Variants in ANKHD1 observed in about 807,000 individuals in gnomAD.
The protein encoded by ANKHD1 is ankyrin repeat and KH domain-containing protein 1.
A neutral mutation model predicts 230.5 loss-of-function variants in ANKHD1; 31 were observed. That is an observed-to-expected ratio of 0.13 (90% confidence interval 0.10 to 0.18). The LOEUF is 0.18. Among genes scored for constraint, ANKHD1 ranks in the 10% least tolerant of loss-of-function variants. The probability of loss-of-function intolerance (pLI) is 1.00; values close to 1 mark genes in which losing one functional copy is unlikely to be tolerated. For synonymous variants in ANKHD1, 1,074 were observed against 1,117.6 expected (o/e 0.96, Z 0.78); for missense variants, 2,256 against 3,071.3 (o/e 0.73, Z 6.27).
intron 1 of ANKHD1, among the ~76,000 whole-genome samples, chr5:140,425,426 A>G (rs1772327333): frequency 6.6e-6 from 1 of 151,802 alleles, no homozygotes; most frequent in Middle Eastern, 3.2e-3. Context: ...ATGCCCAGCT[A>G]ATTTTTGTTT....
In ANKHD1 at chr5:140,485,463, A is replaced by G; in HGVS notation, c.1999-126A>G. 7.7e-7 allele frequency: 1 copy of G among 1,304,470 alleles called. No individual in the cohort carries two copies. The highest frequency in any genetic ancestry group is 2.8e-5 in the Admixed American group (1 of 35,684). 80.8% of individuals were successfully genotyped at this position (1,304,470 alleles called of 1,614,324 possible). A position where few individuals can be genotyped will look rare whatever the true frequency, so the allele number is the denominator to read the frequency against. ...GTATATATATATAAATAATATGTGTATAGTTATAAAAATATGTTTGATCTA... is the reference window on the plus strand; with the variant it reads ...GTATATATATATAAATAATATGTGTGTAGTTATAAAAATATGTTTGATCTA... On this transcript the variant is annotated intron_variant, in intron 12 of 33. Transcript: ENST00000360839. The surrounding 1 kb of genome is among the most constrained non-coding windows in gnomAD (Gnocchi z 4.8).
intron 7 of ANKHD1, among the ~76,000 whole-genome samples, chr5:140,451,666 G>T (rs1774743841): frequency 6.6e-6 from 1 of 152,024 alleles, no homozygotes; most frequent in Non-Finnish European, 1.5e-5. Context: ...ACACCACTAT[G>T]CTTGGCTAAT....
intron 22 of ANKHD1, among the ~76,000 whole-genome samples, 179 bp from the exon 23 acceptor site, chr5:140,512,649 T>A (rs1169716532): frequency 1.3e-5 from 2 of 152,224 alleles, no homozygotes; most frequent in African/African-American, 4.8e-5. Context: ...TTTTATAATT[T>A]TAATTTTAAG....
At chr5:140,435,537 C>T (rs1773376559) in intron 1 of ANKHD1, among the ~76,000 whole-genome samples, 1 of 151,836 alleles carries the variant, frequency 6.6e-6, no homozygotes, top group African/African-American at 2.4e-5. Context: ...CCTCACCACG[C>T]CCGGCTAATT....
chr5:140,502,039 A>T (rs80346439), intron 15 of ANKHD1, among the ~76,000 whole-genome samples: 22,092 of 131,546 alleles, frequency 0.17, 1,626 homozygotes, highest in Middle Eastern at 0.23. Context: ...CTATCTCTTT[A>T]AAAAAAAAAA....
intron 11 of ANKHD1, 188 bp from the exon 12 acceptor site, chr5:140,484,933 T>A: frequency 1.1e-6 from 1 of 943,414 alleles, no homozygotes; most frequent in African/African-American, 1.7e-5. Flanking sequence ...AATGTTCTGT[T>A]TCTTCCTCTG....
In ANKHD1 at chr5:140,441,108, T is replaced by G; in HGVS notation, c.879T>G (p.Leu293=). 1 of 1,608,568 alleles carries G rather than the reference T, an allele frequency of 6.2e-7. No homozygotes were observed. ...TAGATATTGTGAAATTATTACTTCT[T>G]CATGATGCTGATGTCAACTCCCAGT... ...GYLDIVKLLL[L]HDADVNSQSA... Residue 293 remains leucine, a synonymous_variant, in exon 5 of 34, where the codon CTT becomes CTG. Coordinates refer to ENST00000360839, the MANE Select transcript of ANKHD1 (RefSeq NM_017747.3).
intron 14 of ANKHD1, among the ~76,000 whole-genome samples, chr5:140,488,601 TC>T (rs2127022990): frequency 7.1e-6 from 1 of 140,486 alleles, no homozygotes; most frequent in South Asian, 2.3e-4. Context: ...AAAAAAAAAA[TC>T]ATAAAAAAAA....
chr5:140,537,704 C>T (rs956318029), intron 31 of ANKHD1, 115 bp downstream of exon 31: 3 of 1,399,354 alleles, frequency 2.1e-6, no homozygotes, highest in South Asian at 3.5e-5. Flanking sequence ...CTATGTTTAA[C>T]ACTCAATTAG....
At chr5:140,418,031 G>A (rs1331538246) in intron 1 of ANKHD1, among the ~76,000 whole-genome samples, 1 of 150,648 alleles carries the variant, frequency 6.6e-6, no homozygotes, top group Admixed American at 6.6e-5. Flanking sequence ...TAGTAGAGAT[G>A]GGGTTTCACC....
intron 6 of ANKHD1, among the ~76,000 whole-genome samples, chr5:140,446,461 A>C (rs1774290462): frequency 6.6e-6 from 1 of 152,170 alleles, no homozygotes; most frequent in Non-Finnish European, 1.5e-5. Context: ...CCTGGGCTCA[A>C]GTGATTCTCG....
chr5:140,451,020 T>C (rs145707726), intron 7 of ANKHD1, among the ~76,000 whole-genome samples: 5,468 of 152,050 alleles, frequency 0.036, 139 homozygotes, highest in East Asian at 0.11. Flanking sequence ...GGCGTGGTAG[T>C]GTGCACCTGT....
intron 10 of ANKHD1, chr5:140,472,273 G>T (rs776298514): frequency 2.2e-5 from 35 of 1,613,458 alleles, no homozygotes; most frequent in Non-Finnish European, 8.5e-7. Context: ...ATTTTGGAGG[G>T]CATAGATCCG....
chr5:140,521,558 T>C (rs1753350582), intron 24 of ANKHD1, among the ~76,000 whole-genome samples: 1 of 152,252 alleles, frequency 6.6e-6, no homozygotes, highest in African/African-American at 2.4e-5. Context: ...CAGTGAAATT[T>C]ATCAGTATTT....
chr5:140,515,673 C>A (rs1752969378), intron 24 of ANKHD1, among the ~76,000 whole-genome samples: 1 of 152,210 alleles, frequency 6.6e-6, no homozygotes, highest in African/African-American at 2.4e-5. Flanking sequence ...GGGGCACCCC[C>A]CAGCAGGGTC....
In ANKHD1 at chr5:140,518,853, G is replaced by C. The variant is rs183161162; in HGVS notation, c.4318-5213G>C. On this transcript the variant is annotated intron_variant, in intron 24 of 33. Coordinates refer to ENST00000360839, the MANE Select transcript of ANKHD1 (RefSeq NM_017747.3). ...CATACTGAATGGGCAAAAACTGGAA[G>C]CGTTCCCTTTGAAAACGGGCACAAG... Among the ~76,000 whole-genome samples, 289 of 152,322 alleles carry C rather than the reference G, an allele frequency of 1.9e-3. 1 individual carries two copies. The highest frequency in any genetic ancestry group is 6.7e-3 in the African/African-American group (280 of 41,568).
chr5:140,491,186 CAG>C (rs1751789461), intron 14 of ANKHD1, among the ~76,000 whole-genome samples: 1 of 64,912 alleles, frequency 1.5e-5, no homozygotes, highest in South Asian at 5.3e-4. Flanking sequence ...TTTTTTGAGA[CAG>C]GGTCTCACTT....
At chr5:140,519,324 A>G (rs1442388107) in intron 24 of ANKHD1, among the ~76,000 whole-genome samples, 1 of 152,242 alleles carries the variant, frequency 6.6e-6, no homozygotes, top group Non-Finnish European at 1.5e-5. Flanking sequence ...GAGTAGGAAG[A>G]ATCAGTATCG....
chr5:140,413,277 T>C (rs1249310857), intron 1 of ANKHD1, among the ~76,000 whole-genome samples: 2 of 152,172 alleles, frequency 1.3e-5, no homozygotes, highest in Admixed American at 1.3e-4. Flanking sequence ...ATTTTAACCA[T>C]TTTTTTGTTT....
Sources: allele counts gnomAD v4.1 joint callset (sites outside exome capture counted in the v4.1 genomes callset), GRCh38; gene constraint gnomAD v4.1.1; non-coding constraint Gnocchi (gnomAD v3.1); transcripts MANE v1.5; gene names NCBI Gene and HGNC (gene_info 2026-07-23, HGNC 2026-07-21).